FNTB: variants seen among roughly 807,000 people sequenced by gnomAD.
FNTB encodes farnesyltransferase, CAAX box, subunit beta.
FNTB carries 27 observed loss-of-function variants against 59.4 expected under a neutral mutation model. The ratio of observed to expected loss-of-function variants is 0.45; its 90% confidence interval spans 0.34 to 0.63. The LOEUF is 0.63. FNTB is among the 20% of genes least tolerant of loss of function. FNTB has a pLI of 0.02. For synonymous variants in FNTB, 230 were observed against 220.7 expected (o/e 1.04, Z -0.37); for missense variants, 449 against 559.6 (o/e 0.80, Z 1.99).
rs142942714 is a variant in FNTB, at chr14:65,044,426, G to A, written c.938G>A (p.Arg313His). 38 of 1,611,592 alleles carry A rather than the reference G, an allele frequency of 2.4e-5. No individual in the cohort carries two copies. Among genetic ancestry groups the A allele is most frequent in the Admixed American group, 3.4e-5 (2 of 59,416 alleles). Reference sequence around the variant, plus strand: ...GCGGGGCTCCTGCCCCTGCTCCACCGCGCACTGCACGCCCAAGGTGAGCCT... The same window carrying A: ...GCGGGGCTCCTGCCCCTGCTCCACCACGCACTGCACGCCCAAGGTGAGCCT... ...WQAGLLPLLH[R>H]ALHAQGDPAL... is the part of the protein sequence containing the mutation. Residue 313 changes from arginine (R) to histidine (H), a missense_variant, in exon 9 of 12, where the codon CGC becomes CAC. Physicochemically the swap from Arg to His is conservative, Grantham distance 29. This residue lies in a region of FNTB where 337 missense variants were observed against 479.1 expected (regional missense o/e 0.70). Coordinates refer to ENST00000246166, the MANE Select transcript of FNTB (RefSeq NM_002028.4). This position sits in a 1 kb window ranked among gnomAD's most constrained non-coding sequence, Gnocchi z 5.5.
At chr14:64,989,370 C>G (rs1888092882) in intron 1 of FNTB, among the ~76,000 whole-genome samples, 1 of 150,154 alleles carries the variant, frequency 6.7e-6, no homozygotes, top group South Asian at 2.1e-4. Flanking sequence ...TTTTTGAGCT[C>G]AGAAGTTCAC....
Position 65,054,815 on chromosome 14 carries a change from C to T in FNTB, c.1182+126C>T, listed in dbSNP as rs778536477. ...AGGCGGAAGCTTGTGGTCCCTCTGCCCTTCGAGCTGTGCAGCCGTTAGTGA... is the reference window on the plus strand; with the variant it reads ...AGGCGGAAGCTTGTGGTCCCTCTGCTCTTCGAGCTGTGCAGCCGTTAGTGA... On this transcript the variant is annotated intron_variant, in intron 11 of 11. Transcript: ENST00000246166. This position sits in a 1 kb window ranked among gnomAD's most constrained non-coding sequence, Gnocchi z 4.4. 7 of 1,059,794 alleles carry T rather than the reference C, an allele frequency of 6.6e-6. No individual in the cohort carries two copies. Among genetic ancestry groups the T allele is most frequent in the Non-Finnish European group, 9.5e-6 (7 of 733,686 alleles). The allele number at this position is 1,059,794 out of a possible 1,614,324, so 65.6% of individuals were successfully genotyped here.
At position 65,012,138 on chromosome 14, in the gene FNTB, CT is replaced by C. The variant is rs375311267; in HGVS notation, c.210-177del. 994 of 634,574 alleles carry C rather than the reference CT, an allele frequency of 1.6e-3. 5 individuals are homozygous for C. The highest frequency in any genetic ancestry group is 0.012 in the African/African-American group (648 of 54,184). 39.3% of individuals were successfully genotyped at this position (634,574 alleles called of 1,614,324 possible). ...TGCTTTAGAGACATTCAGACAAGAG[CT>C]TCTTTTCTCTGGTTTAGTTGCTCTT... On this transcript the variant is annotated intron_variant, in intron 2 of 11. Transcript: ENST00000246166. This position sits in a 1 kb window ranked among gnomAD's most constrained non-coding sequence, Gnocchi z 5.0.
chr14:65,015,410 CTTTTTT>C (rs888923691), intron 3 of FNTB: 57 of 155,730 alleles, frequency 3.7e-4, no homozygotes, highest in East Asian at 1.3e-3. Flanking sequence ...GCCTTGTTAT[CTTTTTT>C]TTTTTTTTTT....
In FNTB at chr14:64,986,926, C is replaced by T. The variant is rs577107021; in HGVS notation, c.-28C>T. On this transcript the variant is annotated 5_prime_UTR_variant, in exon 1 of 12. Coordinates refer to ENST00000246166, the MANE Select transcript of FNTB (RefSeq NM_002028.4). The stretch of plus-strand genomic sequence containing the variant: ...CGTTGTTGCTTAACGAAGCAGAGTC[C>T]TACACACTGTCTGCTGCTCTCCTGA... 34 of 1,613,724 alleles carry T rather than the reference C, an allele frequency of 2.1e-5. No homozygotes were observed. In the South Asian group the frequency reaches 3.1e-4, roughly 15 times the overall value.
intron 7 of FNTB, among the ~76,000 whole-genome samples, chr14:65,036,734 C>G (rs2062202029): frequency 6.6e-6 from 1 of 152,036 alleles, no homozygotes. Context: ...TGCTCTGTCA[C>G]CCAGGTTGGA....
intron 2 of FNTB, chr14:65,006,343 T>G: frequency 6.2e-7 from 1 of 1,602,802 alleles, no homozygotes; most frequent in Non-Finnish European, 8.5e-7. Context: ...CCTTAACTGC[T>G]AAACCAAATC....
At chr14:65,000,815 C>CAAAAAAAAAAAAA (rs59420832) in intron 1 of FNTB, among the ~76,000 whole-genome samples, 6 of 36,478 alleles carry the variant, frequency 1.6e-4, no homozygotes, top group African/African-American at 5.0e-4. Context: ...GACTCCGTCT[C>CAAAAAAAAAAAAA]AAAAAAAAAA....
chr14:65,060,387 G>C (rs933935305), intron 11 of FNTB, among the ~76,000 whole-genome samples: 1 of 149,742 alleles, frequency 6.7e-6, no homozygotes, highest in Non-Finnish European at 1.5e-5. Flanking sequence ...TCAGGAGTTC[G>C]AGACCAGCCG....
chr14:65,023,845 A>G lies in FNTB; in HGVS notation c.375-3608A>G, dbSNP rs2061930482. 6.6e-6 allele frequency among the ~76,000 whole-genome samples: 1 copy of G among 152,314 alleles called. No homozygotes were observed. Among genetic ancestry groups the G allele is most frequent in the East Asian group, 1.9e-4 (1 of 5,182 alleles). On this transcript the variant is annotated intron_variant, in intron 4 of 11. Coordinates refer to ENST00000246166, the MANE Select transcript of FNTB (RefSeq NM_002028.4). This position sits in a 1 kb window ranked among gnomAD's most constrained non-coding sequence, Gnocchi z 4.1. The stretch of plus-strand genomic sequence containing the variant: ...GCCGGGCATGGTGGCTCACGCCTGT[A>G]ATCCTAGCACTTTGGGAGGCCAAGG...
In FNTB at chr14:65,032,764, T is replaced by C; in HGVS notation, c.692+68T>C. The C allele has an allele frequency of 6.8e-7, 1 of 1,480,224 alleles. No individual in the cohort carries two copies. The highest frequency in any genetic ancestry group is 9.2e-7 in the Non-Finnish European group (1 of 1,092,476). 91.7% of individuals were successfully genotyped at this position (1,480,224 alleles called of 1,614,324 possible). Reference sequence around the variant, plus strand: ...CGGTCACGACACTACTTCAGAAAAATAAAGAAAATGCAGAGGGACTTGGAA... The same window carrying C: ...CGGTCACGACACTACTTCAGAAAAACAAAGAAAATGCAGAGGGACTTGGAA... On this transcript the variant is annotated intron_variant, in intron 7 of 11. Coordinates refer to ENST00000246166, the MANE Select transcript of FNTB (RefSeq NM_002028.4). The surrounding 1 kb of genome is among the most constrained non-coding windows in gnomAD (Gnocchi z 5.0).
At chr14:65,035,810 A>C (rs2062176241) in intron 7 of FNTB, among the ~76,000 whole-genome samples, 3 of 150,450 alleles carry the variant, frequency 2.0e-5, no homozygotes, top group Admixed American at 6.6e-5. Flanking sequence ...CAAGGATTAC[A>C]GGCATGAGCC....
At chr14:65,000,087 G>A (rs541026517) in intron 1 of FNTB, among the ~76,000 whole-genome samples, 1 of 152,278 alleles carries the variant, frequency 6.6e-6, no homozygotes, top group Admixed American at 6.5e-5. Flanking sequence ...AGACATCTAA[G>A]TGCCAGAATG....
chr14:65,040,629 A>G (rs1387585073), intron 7 of FNTB, among the ~76,000 whole-genome samples, 161 bp from the exon 8 acceptor site: 1 of 147,998 alleles, frequency 6.8e-6, no homozygotes, highest in Non-Finnish European at 1.5e-5. Context: ...TTTTTTGAAA[A>G]GACATTTCCA....
In FNTB at chr14:65,028,638, A is replaced by G. The variant is rs2062025427; in HGVS notation, c.605+857A>G. On this transcript the variant is annotated intron_variant, in intron 6 of 11. Transcript: ENST00000246166. The surrounding 1 kb of genome is among the most constrained non-coding windows in gnomAD (Gnocchi z 4.4). ...AACATTGTGGAGCATAAAATACATT[A>G]CAGATAATAGGTAATCAGGCTGCAA... Among the ~76,000 whole-genome samples, 1 of 152,228 alleles carries G rather than the reference A, an allele frequency of 6.6e-6. No individual in the cohort carries two copies. Among genetic ancestry groups the G allele is most frequent in the Non-Finnish European group, 1.5e-5 (1 of 68,028 alleles).
chr14:65,044,647 T>TGA lies in FNTB; in HGVS notation c.955+204_955+205insGA, dbSNP rs1222778885. On this transcript the variant is annotated intron_variant, in intron 9 of 11. Transcript: ENST00000246166. The surrounding 1 kb of genome is among the most constrained non-coding windows in gnomAD (Gnocchi z 5.5). ...TCATTGGTTTAGTGTCATTCTTTGC[T>TGA]TCTTCAAATTGGCTGCGACAGAATG... 2 of 778,758 alleles carry TGA rather than the reference T, an allele frequency of 2.6e-6. No individual in the cohort carries two copies. The highest frequency in any genetic ancestry group is 1.9e-6 in the Non-Finnish European group (1 of 535,292). The allele number at this position is 778,758 out of a possible 1,614,324, so 48.2% of individuals were successfully genotyped here.
intron 7 of FNTB, among the ~76,000 whole-genome samples, chr14:65,040,072 C>T (rs895421976): frequency 2.0e-5 from 3 of 152,054 alleles, no homozygotes; most frequent in Non-Finnish European, 2.9e-5. Context: ...CGCCCATAGT[C>T]CCAGCTACTC....
In FNTB at chr14:65,011,872, G is replaced by C. The variant is rs2061688660; in HGVS notation, c.210-445G>C. ...GGAGTAAATTATGGGCCTTGGAGAA[G>C]TCATCCCAGACGGGGTGACTGAAAT... On this transcript the variant is annotated intron_variant, in intron 2 of 11. Coordinates refer to ENST00000246166, the MANE Select transcript of FNTB (RefSeq NM_002028.4). The surrounding 1 kb of genome is among the most constrained non-coding windows in gnomAD (Gnocchi z 4.0). 6.6e-6 allele frequency among the ~76,000 whole-genome samples: 1 copy of C among 152,170 alleles called. No homozygotes were observed. The highest frequency in any genetic ancestry group is 2.1e-4 in the South Asian group (1 of 4,826).
chr14:65,037,173 G>A (rs537586372), intron 7 of FNTB, among the ~76,000 whole-genome samples: 4 of 150,162 alleles, frequency 2.7e-5, no homozygotes, highest in Non-Finnish European at 4.4e-5. Context: ...GCGTGATCTC[G>A]GCTCACTGCA....
Sources: gnomAD v4.1 joint callset for allele counts (sites outside exome capture counted in the v4.1 genomes callset) on GRCh38, gnomAD v4.1.1 for gene constraint, gnomAD v4.1.1 regional missense constraint, Gnocchi (gnomAD v3.1) non-coding constraint, MANE v1.5 for transcripts, NCBI Gene and HGNC (gene_info 2026-07-23, HGNC 2026-07-21) for gene names.